ANKRD44: variants seen among roughly 807,000 people sequenced by gnomAD.
The protein encoded by ANKRD44 is ankyrin repeat domain 44.
ANKRD44 carries 35 observed loss-of-function variants against 116.0 expected under a neutral mutation model. The observed-to-expected ratio is 0.30, with a 90% CI of 0.23 to 0.40. The LOEUF is 0.40. Ranked by LOEUF, ANKRD44 falls within the 10% of genes least tolerant of loss-of-function variation. ANKRD44 has a pLI of 1.00. For synonymous variants in ANKRD44, 435 were observed against 461.8 expected (o/e 0.94, Z 0.74); for missense variants, 1,014 against 1,242.6 (o/e 0.82, Z 2.77).
At chr2:197,305,727 T>C (rs982798002) in intron 1 of ANKRD44, among the ~76,000 whole-genome samples, 1 of 152,042 alleles carries the variant, frequency 6.6e-6, no homozygotes, top group Admixed American at 6.5e-5. Context: ...ATAAGTTTAT[T>C]TGGAAAAGTC....
At chr2:197,053,370 C>T (rs1332088341) in intron 16 of ANKRD44, among the ~76,000 whole-genome samples, 2 of 152,128 alleles carry the variant, frequency 1.3e-5, no homozygotes, top group East Asian at 1.9e-4. Context: ...ACAATTTTTA[C>T]AATTAAGCAC....
At chr2:197,167,351 A>C (rs767027920) in intron 2 of ANKRD44, among the ~76,000 whole-genome samples, 27 of 152,240 alleles carry the variant, frequency 1.8e-4, no homozygotes, top group Non-Finnish European at 3.2e-4. Context: ...TTTTTTAAAA[A>C]CAGATTGAAG....
In ANKRD44 at chr2:197,147,114, C is replaced by G; in HGVS notation, c.112-9G>C. On this transcript the variant is annotated splice_polypyrimidine_tract_variant and intron_variant, in intron 2 of 27. Transcript: ENST00000282272. ...GTTCGTTTCTCAGAATCCTGAAATACACAACGTCAAAGACATACAACAGGT... is the reference window on the plus strand; with the variant it reads ...GTTCGTTTCTCAGAATCCTGAAATAGACAACGTCAAAGACATACAACAGGT... 6.2e-7 allele frequency: 1 copy of G among 1,613,292 alleles called. No individual in the cohort carries two copies. The highest frequency in any genetic ancestry group is 1.3e-5 in the African/African-American group (1 of 75,010).
In ANKRD44 at chr2:197,163,950, G is replaced by C. The variant is rs1029742890; in HGVS notation, c.112-16845C>G. On this transcript the variant is annotated intron_variant, in intron 2 of 27. Transcript: ENST00000282272. The stretch of plus-strand genomic sequence containing the variant: ...GCCACCACTATTTCTTAAAAGGTGA[G>C]GGTTTAAGAGATTACAGTGGGGGAG... 3.3e-5 allele frequency among the ~76,000 whole-genome samples: 5 copies of C among 152,294 alleles called. No individual in the cohort carries two copies. The East Asian group carries it at 9.7e-4, about 29-fold the overall frequency.
At chr2:197,278,871 G>A (rs2083182277) in intron 1 of ANKRD44, among the ~76,000 whole-genome samples, 1 of 152,220 alleles carries the variant, frequency 6.6e-6, no homozygotes, top group Non-Finnish European at 1.5e-5. Flanking sequence ...AACAGGCGGT[G>A]TGGTCTGGAG....
At chr2:197,077,565 G>A (rs2077697436) in intron 16 of ANKRD44, among the ~76,000 whole-genome samples, 1 of 152,128 alleles carries the variant, frequency 6.6e-6, no homozygotes, top group Non-Finnish European at 1.5e-5. Flanking sequence ...TAGGATCTTT[G>A]CTTTGTACGA....
chr2:197,156,107 G>C (rs2079804343), intron 2 of ANKRD44, among the ~76,000 whole-genome samples: 1 of 152,222 alleles, frequency 6.6e-6, no homozygotes, highest in South Asian at 2.1e-4. Context: ...ATCACTTTGG[G>C]AGGCCAAGGC....
chr2:197,172,063 T>A (rs937994597), intron 2 of ANKRD44, among the ~76,000 whole-genome samples: 13 of 150,208 alleles, frequency 8.7e-5, no homozygotes, highest in Non-Finnish European at 1.9e-4. Context: ...TGCAGTGGCA[T>A]GATCTTGGCT....
At chr2:197,108,865 C>T (rs1475623238) in intron 9 of ANKRD44, among the ~76,000 whole-genome samples, 1 of 140,640 alleles carries the variant, frequency 7.1e-6, no homozygotes, top group Non-Finnish European at 1.5e-5. Context: ...ACAACAACAA[C>T]AACAACAAAA....
chr2:197,122,044 T>C (rs1164927329), intron 7 of ANKRD44, among the ~76,000 whole-genome samples: 1 of 152,076 alleles, frequency 6.6e-6, no homozygotes, highest in Admixed American at 6.6e-5. Flanking sequence ...CCTCACCAGG[T>C]TGCATTTTAG....
rs150310469 is a variant in ANKRD44 at position 196,967,383 on chromosome 2, T to C, written c.*56A>G. Reference sequence around the variant, plus strand: ...GGATAAAGTGCATTCTGATTCATAATTGGTCCCTCAGGGTGCCTGTTTTGC... The same window carrying C: ...GGATAAAGTGCATTCTGATTCATAACTGGTCCCTCAGGGTGCCTGTTTTGC... On this transcript the variant is annotated 3_prime_UTR_variant, in exon 22 of 22. Transcript: ENST00000424317. 2.7e-4 allele frequency: 127 copies of C among 468,990 alleles called. No individual in the cohort carries two copies. In the East Asian group the frequency reaches 6.1e-3, roughly 22 times the overall value. 29.1% of individuals were successfully genotyped at this position (468,990 alleles called of 1,614,324 possible). A position where few individuals can be genotyped will look rare whatever the true frequency, so the allele number is the denominator to read the frequency against.
intron 2 of ANKRD44, among the ~76,000 whole-genome samples, chr2:197,161,642 A>G (rs954198995): frequency 6.6e-6 from 1 of 152,200 alleles, no homozygotes; most frequent in East Asian, 1.9e-4. Context: ...CTTGCTTGCA[A>G]TTACTATCTT....
At chr2:197,091,184 G>A (rs2078035488) in intron 10 of ANKRD44, among the ~76,000 whole-genome samples, 1 of 152,238 alleles carries the variant, frequency 6.6e-6, no homozygotes, top group African/African-American at 2.4e-5. Flanking sequence ...CCCTCAGGGG[G>A]CTTTGGGAGT....
chr2:197,234,163 G>T (rs530040573), intron 1 of ANKRD44, among the ~76,000 whole-genome samples: 1 of 151,852 alleles, frequency 6.6e-6, no homozygotes, highest in Admixed American at 6.6e-5. Context: ...TCTTTCTGCA[G>T]ATTAACTGTA....
At chr2:196,980,066 T>G (rs2075790390) in intron 21 of ANKRD44, among the ~76,000 whole-genome samples, 1 of 152,216 alleles carries the variant, frequency 6.6e-6, no homozygotes, top group East Asian at 1.9e-4. Context: ...AGGCTTTTCT[T>G]TTTCAATATC....
chr2:197,153,286 A>G (rs12994239), intron 2 of ANKRD44, among the ~76,000 whole-genome samples: 1 of 150,342 alleles, frequency 6.7e-6, no homozygotes, highest in Admixed American at 6.6e-5. Flanking sequence ...GAAGAGGAAG[A>G]AGGAGGAGGA....
chr2:197,028,409 G>A (rs1352953710), intron 16 of ANKRD44, among the ~76,000 whole-genome samples: 2 of 152,122 alleles, frequency 1.3e-5, no homozygotes, highest in African/African-American at 4.8e-5. Flanking sequence ...TCTTTGTATA[G>A]TGACACATCC....
At chr2:197,000,676 T>C (rs2076098576) in intron 22 of ANKRD44, among the ~76,000 whole-genome samples, 174 bp from the exon 23 acceptor site, 1 of 152,240 alleles carries the variant, frequency 6.6e-6, no homozygotes, top group Non-Finnish European at 1.5e-5. Flanking sequence ...TAGCATTACT[T>C]CAGAACCTCT....
chr2:197,254,308 T>C (rs2105683651), intron 1 of ANKRD44, among the ~76,000 whole-genome samples: 1 of 151,910 alleles, frequency 6.6e-6, no homozygotes, highest in African/African-American at 2.4e-5. Context: ...CAGGAGAACC[T>C]GGGAGGCGGA....
Sources: gnomAD v4.1 joint callset for allele counts (sites outside exome capture counted in the v4.1 genomes callset) on GRCh38, gnomAD v4.1.1 for gene constraint, MANE v1.5 for transcripts, NCBI Gene and HGNC (gene_info 2026-07-23, HGNC 2026-07-21) for gene names.